The following LSMEM2 variants were observed in gnomAD, a reference collection of about 807,000 sequenced individuals.
The protein encoded by LSMEM2 is leucine rich single-pass membrane protein 2, also known as leucine-rich single-pass membrane protein 2.
In LSMEM2, 20 loss-of-function variants were observed where a neutral mutation model predicts 17.3. The ratio of observed to expected loss-of-function variants is 1.16; its 90% CI spans 0.81 to 1.68. The LOEUF is 1.68. Ranked by LOEUF, LSMEM2 falls within the 40% of genes most tolerant of loss-of-function variation. The pLI, the probability that LSMEM2 is intolerant of heterozygous loss-of-function variation, is 0.00. For synonymous variants in LSMEM2, 94 were observed against 97.8 expected (o/e 0.96, Z 0.23); for missense variants, 207 against 214.3 (o/e 0.97, Z 0.21).
At chr3:50,286,249 A>G (rs1434376837) in intron 1 of LSMEM2, 7 of 226,112 alleles carry the variant, frequency 3.1e-5, no homozygotes, top group Non-Finnish European at 3.7e-5. Flanking sequence ...GGAAGGAAAC[A>G]AATCAAATGT....
At position 50,287,861 on chromosome 3, in the gene LSMEM2, C is replaced by G. The variant is rs1701586357; in HGVS notation, c.*659C>G. On this transcript the variant is annotated 3_prime_UTR_variant, in exon 4 of 4. Transcript: ENST00000316436. Reference sequence around the variant, plus strand: ...GTGGCATTTGTCCAGATGCCACCACCCCCCTAAGAGTGGGTCATCCTGGGG... The same window carrying G: ...GTGGCATTTGTCCAGATGCCACCACGCCCCTAAGAGTGGGTCATCCTGGGG... 1 of 327,976 alleles carries G rather than the reference C, an allele frequency of 3.0e-6. No homozygotes were observed. Among genetic ancestry groups the G allele is most frequent in the Non-Finnish European group, 5.7e-6 (1 of 174,508 alleles). 20.3% of individuals were successfully genotyped at this position (327,976 alleles called of 1,614,324 possible).
At chr3:50,283,165 G>C (rs1377152390) in intron 1 of LSMEM2, among the ~76,000 whole-genome samples, 1 of 151,700 alleles carries the variant, frequency 6.6e-6, no homozygotes, top group Non-Finnish European at 1.5e-5. Flanking sequence ...AGCATGGCAA[G>C]AGAGGGAGAT....
At chr3:50,280,020 GCC>G (rs1553707554) in intron 1 of LSMEM2, among the ~76,000 whole-genome samples, 1 of 147,552 alleles carries the variant, frequency 6.8e-6, no homozygotes. Context: ...GATTACAGGC[GCC>G]TGCCACCATG....
chr3:50,284,801 T>G (rs1701478361), intron 1 of LSMEM2, among the ~76,000 whole-genome samples: 1 of 149,134 alleles, frequency 6.7e-6, no homozygotes, highest in Non-Finnish European at 1.5e-5. Context: ...TTTGGGAGTC[T>G]GAGGCGGGCG....
At position 50,286,560 on chromosome 3, in the gene LSMEM2, T is replaced by G; in HGVS notation, c.148T>G (p.Ser50Ala). The change falls in exon 2 of 4, where the codon TCC becomes GCC. Residue 50 changes from serine to alanine, a missense_variant. By Grantham distance (99) the Ser-to-Ala change is moderately conservative (BLOSUM62 1). Coordinates refer to ENST00000316436, the MANE Select transcript of LSMEM2 (RefSeq NM_153215.3). ...TGAGGTATGCCTGCACCAGGTGGAG[T>G]CCATCAGCGACCTACATAGTGGAGG... ...VHEVCLHQVE[S>A]ISDLHSGAGT... The G allele has an allele frequency of 6.2e-7, 1 of 1,612,100 alleles. No individual in the cohort carries two copies. The highest frequency in any genetic ancestry group is 8.5e-7 in the Non-Finnish European group (1 of 1,179,282).
rs1553708802 is a variant in LSMEM2 at position 50,287,519 on chromosome 3, A to AAAT, written c.*319_*321dup. On this transcript the variant is annotated 3_prime_UTR_variant, in exon 4 of 4. Coordinates refer to ENST00000316436, the MANE Select transcript of LSMEM2 (RefSeq NM_153215.3). ...CCAGATGGCAGGTTCTGAAGTCTAG[A>AAAT]AATAGCTGCCCCCATAGCAATCACC... is the stretch of plus-strand genomic sequence containing the variant. The AAAT allele has an allele frequency of 1.5e-5, 6 of 395,784 alleles. No homozygotes were observed. Among genetic ancestry groups the AAAT allele is most frequent in the South Asian group, 1.4e-4 (5 of 36,424 alleles). 24.5% of individuals were successfully genotyped at this position (395,784 alleles called of 1,614,324 possible). A position where few individuals can be genotyped will look rare whatever the true frequency, so the allele number is the denominator to read the frequency against.
In LSMEM2 at chr3:50,286,843, CCTGG is replaced by C; in HGVS notation, c.346_349del (p.Ala116SerfsTer3). 1 of 1,613,820 alleles carries C rather than the reference CCTGG, an allele frequency of 6.2e-7. No individual in the cohort carries two copies. The highest frequency in any genetic ancestry group is 8.5e-7 in the Non-Finnish European group (1 of 1,180,016). ...TGCTCACTTGCCTAGTGCTCGCACT[CCTGG>C]CTGTCTACCTGAGCGGTATGGACGC... On this transcript the variant is annotated frameshift_variant, in exon 3 of 4. Transcript: ENST00000316436. LOFTEE classifies it high-confidence loss of function.
intron 3 of LSMEM2, 93 bp downstream of exon 3, chr3:50,286,955 C>A: frequency 6.3e-7 from 1 of 1,584,690 alleles, no homozygotes; most frequent in Non-Finnish European, 8.6e-7. Context: ...ACTGCAGATG[C>A]TGCAGCAGTG....
At position 50,288,082 on chromosome 3, in the gene LSMEM2, A is replaced by G; in HGVS notation, c.*880A>G. The G allele has an allele frequency of 9.3e-7, 1 of 1,077,372 alleles. No individual in the cohort carries two copies. Among genetic ancestry groups the G allele is most frequent in the East Asian group, 2.6e-5 (1 of 38,204 alleles). The allele number at this position is 1,077,372 out of a possible 1,614,324, so 66.7% of individuals were successfully genotyped here. On this transcript the variant is annotated 3_prime_UTR_variant, in exon 4 of 4. Transcript: ENST00000316436. ...CCCCATGTCTGTTTTTGGTTTTGTC[A>G]TTAAAAAAAATAAAGTGACAAATAC...
At position 50,287,867 on chromosome 3, in the gene LSMEM2, A is replaced by C. The variant is rs1701586686; in HGVS notation, c.*665A>C. 5.8e-6 allele frequency: 2 copies of C among 344,756 alleles called. No homozygotes were observed. Among genetic ancestry groups the C allele is most frequent in the Non-Finnish European group, 1.1e-5 (2 of 183,054 alleles). The allele number at this position is 344,756 out of a possible 1,614,324, so 21.4% of individuals were successfully genotyped here. A position where few individuals can be genotyped will look rare whatever the true frequency, so the allele number is the denominator to read the frequency against. Reference sequence around the variant, plus strand: ...TTTGTCCAGATGCCACCACCCCCCTAAGAGTGGGTCATCCTGGGGGAGCAA... The same window carrying C: ...TTTGTCCAGATGCCACCACCCCCCTCAGAGTGGGTCATCCTGGGGGAGCAA... On this transcript the variant is annotated 3_prime_UTR_variant, in exon 4 of 4. Transcript: ENST00000316436.
intron 1 of LSMEM2, among the ~76,000 whole-genome samples, chr3:50,281,058 A>AAT (rs1553707700): frequency 4.2e-5 from 6 of 142,388 alleles, no homozygotes; most frequent in East Asian, 2.1e-4. Context: ...AAAGAGGGAA[A>AAT]TTTTTTTTTT....
chr3:50,283,375 C>G (rs1282742240), intron 1 of LSMEM2, among the ~76,000 whole-genome samples: 1 of 152,010 alleles, frequency 6.6e-6, no homozygotes, highest in South Asian at 2.1e-4. Flanking sequence ...CACCTGTAAT[C>G]CCAGAACTTT....
chr3:50,278,659 C>G (rs1213752656), upstream of LSMEM2, among the ~76,000 whole-genome samples: 1 of 152,228 alleles, frequency 6.6e-6, no homozygotes, highest in Non-Finnish European at 1.5e-5. Flanking sequence ...AAGACACACA[C>G]AACAATAGCA....
At chr3:50,282,554 T>C (rs1272746062) in intron 1 of LSMEM2, among the ~76,000 whole-genome samples, 1 of 152,188 alleles carries the variant, frequency 6.6e-6, no homozygotes, top group African/African-American at 2.4e-5. Flanking sequence ...GACCAGGATT[T>C]TTAGACATCA....
At chr3:50,281,963 T>C (rs1344413310) in intron 1 of LSMEM2, among the ~76,000 whole-genome samples, 1 of 152,026 alleles carries the variant, frequency 6.6e-6, no homozygotes, top group Non-Finnish European at 1.5e-5. Flanking sequence ...GCTATTCTCC[T>C]GCCTTCAGCC....
intron 1 of LSMEM2, among the ~76,000 whole-genome samples, chr3:50,281,239 T>C (rs1701388289): frequency 6.7e-6 from 1 of 149,458 alleles, no homozygotes; most frequent in African/African-American, 2.5e-5. Context: ...TTTTGAATTT[T>C]TTAGTAGAGA....
rs782768321 is a variant in LSMEM2, at chr3:50,286,840, A to G, written c.339A>G (p.Ala113=). The G allele has an allele frequency of 8.7e-6, 14 of 1,613,684 alleles. No homozygotes were observed. In the East Asian group the frequency reaches 8.9e-5, roughly 10 times the overall value. The change falls in exon 3 of 4, where the codon GCA becomes GCG. Residue 113 remains alanine (A), a synonymous_variant. Transcript: ENST00000316436. ...ALLVLTCLVL[A]LLAVYLSVLQ... ...TGGTGCTCACTTGCCTAGTGCTCGC[A>G]CTCCTGGCTGTCTACCTGAGCGGTA... is the stretch of plus-strand genomic sequence containing the variant.
At chr3:50,279,838 G>C (rs1701352095) in intron 1 of LSMEM2, among the ~76,000 whole-genome samples, 1 of 152,066 alleles carries the variant, frequency 6.6e-6, no homozygotes, top group South Asian at 2.1e-4. Flanking sequence ...CCATGACAGA[G>C]CATGGCCCAG....
chr3:50,286,678 C>T lies in LSMEM2; in HGVS notation c.177C>T (p.Gly59=). ...ESISDLHSGA[G]TLRPYLTEEA... ...CCCAATGTCCCATCCACCCAGCAGGCACACTGCGCCCCTATCTAACTGAAG... is the reference window on the plus strand; with the variant it reads ...CCCAATGTCCCATCCACCCAGCAGGTACACTGCGCCCCTATCTAACTGAAG... Residue 59 remains glycine (G), a synonymous_variant, in exon 3 of 4, where the codon GGC becomes GGT. Transcript: ENST00000316436. 3 of 1,613,272 alleles carry T rather than the reference C, an allele frequency of 1.9e-6. No individual in the cohort carries two copies. The highest frequency in any genetic ancestry group is 2.5e-6 in the Non-Finnish European group (3 of 1,179,448).
Sources: allele counts gnomAD v4.1 joint callset (sites outside exome capture counted in the v4.1 genomes callset), GRCh38; gene constraint gnomAD v4.1.1; transcripts MANE v1.5; gene names NCBI Gene and HGNC (gene_info 2026-07-23, HGNC 2026-07-21).